AOPEP: variants seen among roughly 807,000 people sequenced by gnomAD.
AOPEP encodes the protein aminopeptidase O (putative).
AOPEP carries 77 observed loss-of-function variants against 98.1 expected under a neutral mutation model. The ratio of observed to expected loss-of-function variants is 0.78; its 90% CI spans 0.65 to 0.95. The LOEUF (loss-of-function observed/expected upper bound fraction) is 0.95. Among genes scored for constraint, AOPEP ranks in the 40% least tolerant of loss-of-function variants. The probability of loss-of-function intolerance (pLI) is 0.00; values close to 1 mark genes in which losing one functional copy is unlikely to be tolerated. For missense variants in AOPEP, 1,024 were observed against 1,024.7 expected (o/e 1.00, Z 0.01); for synonymous variants, 346 against 365.3 (o/e 0.95, Z 0.60).
At chr9:94,946,529 G>GA (rs2057649271) in intron 7 of AOPEP, among the ~76,000 whole-genome samples, 2 of 152,128 alleles carry the variant, frequency 1.3e-5, no homozygotes, top group Non-Finnish European at 2.9e-5. Context: ...CAGATTTCCT[G>GA]TAGGAAGAGC....
chr9:94,794,892 A>G (rs1396943791), intron 4 of AOPEP, among the ~76,000 whole-genome samples: 1 of 152,130 alleles, frequency 6.6e-6, no homozygotes, highest in Admixed American at 6.5e-5. Flanking sequence ...ACTTAGATCT[A>G]CAGTGGACTT....
At chr9:94,833,235 C>CTTTTTTT (rs34212567) in intron 5 of AOPEP, among the ~76,000 whole-genome samples, 7 of 70,318 alleles carry the variant, frequency 1.0e-4, no homozygotes, top group Admixed American at 2.3e-4. Flanking sequence ...CACACCCGTC[C>CTTTTTTT]TTTTTTTTTT....
chr9:95,117,296 A>C, the AOPEP span: 1 of 1,612,338 alleles, frequency 6.2e-7, no homozygotes, highest in Admixed American at 1.7e-5. Flanking sequence ...TGATGTGGGC[A>C]AAGTCAACCC....
chr9:95,063,878 C>T (rs772256404), intron 14 of AOPEP, among the ~76,000 whole-genome samples: 5 of 151,466 alleles, frequency 3.3e-5, no homozygotes, highest in African/African-American at 7.3e-5. Flanking sequence ...AGCGGCTCTT[C>T]CTGCTGACTG....
intron 5 of AOPEP, among the ~76,000 whole-genome samples, chr9:94,872,678 T>C (rs1479451171): frequency 6.6e-6 from 1 of 152,224 alleles, no homozygotes; most frequent in Non-Finnish European, 1.5e-5. Flanking sequence ...ACCATCCTGC[T>C]CAGTTTGTGA....
At chr9:94,731,813 TGAGA>T (rs1830618974) in intron 1 of AOPEP, among the ~76,000 whole-genome samples, 1 of 147,418 alleles carries the variant, frequency 6.8e-6, no homozygotes, top group African/African-American at 2.5e-5. Context: ...TTTTTTTTTT[TGAGA>T]CGGAGTTTCG....
chr9:94,860,099 G>A (rs2044741633), intron 5 of AOPEP, among the ~76,000 whole-genome samples: 1 of 152,200 alleles, frequency 6.6e-6, no homozygotes, highest in Non-Finnish European at 1.5e-5. Context: ...GCAGGGCCTT[G>A]GGGCAGGTGC....
At chr9:95,013,382 C>T (rs1417593873) in intron 13 of AOPEP, among the ~76,000 whole-genome samples, 2 of 148,340 alleles carry the variant, frequency 1.3e-5, no homozygotes, top group East Asian at 2.0e-4. Context: ...CTTTATTTTC[C>T]ATCATATAAC....
chr9:94,955,890 CTTT>C lies in AOPEP; in HGVS notation c.1765-14_1765-12del. ...TCATGGTAGGCCTCTTTTTCTCTCT[CTTT>C]TTTCTTTCTTCTAGGGCTACTTCCT... is the stretch of plus-strand genomic sequence containing the variant. On this transcript the variant is annotated splice_polypyrimidine_tract_variant and intron_variant, in intron 8 of 16. Transcript: ENST00000375315. 6.4e-7 allele frequency: 1 copy of C among 1,573,666 alleles called. No individual in the cohort carries two copies. Among genetic ancestry groups the C allele is most frequent in the Non-Finnish European group, 8.7e-7 (1 of 1,152,024 alleles).
intron 13 of AOPEP, chr9:95,049,140 A>C (rs1344443960): frequency 6.6e-6 from 1 of 152,222 alleles, no homozygotes; most frequent in African/African-American, 2.4e-5. Flanking sequence ...AATCAGCAGA[A>C]AAGTGGTTCT....
chr9:94,889,298 A>T (rs928286172), intron 5 of AOPEP, among the ~76,000 whole-genome samples: 7 of 151,626 alleles, frequency 4.6e-5, no homozygotes, highest in African/African-American at 1.2e-4. Context: ...ACTCAGCATA[A>T]TTTTTTTGAG....
chr9:95,028,661 GA>G (rs2064040633), intron 13 of AOPEP, among the ~76,000 whole-genome samples: 1 of 152,188 alleles, frequency 6.6e-6, no homozygotes, highest in Non-Finnish European at 1.5e-5. Context: ...ATGTTTGAGT[GA>G]CCACCTGCCA....
At chr9:94,757,539 A>C (rs968975965) in intron 1 of AOPEP, among the ~76,000 whole-genome samples, 1 of 152,240 alleles carries the variant, frequency 6.6e-6, no homozygotes, top group Non-Finnish European at 1.5e-5. Flanking sequence ...CACCAGAAAC[A>C]AAAGTGGTGA....
At chr9:95,076,853 C>T (rs2069127895) in intron 14 of AOPEP, among the ~76,000 whole-genome samples, 1 of 152,224 alleles carries the variant, frequency 6.6e-6, no homozygotes, top group Admixed American at 6.5e-5. Flanking sequence ...ATTTGCTGAT[C>T]AGTCTCCATT....
intron 7 of AOPEP, chr9:94,928,908 C>T (rs1019743406): frequency 2.6e-5 from 5 of 194,774 alleles, no homozygotes; most frequent in Non-Finnish European, 5.2e-5. Context: ...AATATTGATT[C>T]CTAAGTGTTT....
At position 94,959,259 on chromosome 9, in the gene AOPEP, G is replaced by A. The variant is rs147881422; in HGVS notation, c.1872+3244G>A. ...AGGGTTTCACCATGTTAGCCAGGATGGTCTTGATCTCCTGATCTCGTGATC... is the reference window on the plus strand; with the variant it reads ...AGGGTTTCACCATGTTAGCCAGGATAGTCTTGATCTCCTGATCTCGTGATC... On this transcript the variant is annotated intron_variant, in intron 9 of 16. Transcript: ENST00000375315. Among the ~76,000 whole-genome samples the A allele has an allele frequency of 4.8e-4, 73 of 152,188 alleles. 1 individual carries two copies. The highest frequency in any genetic ancestry group is 1.7e-3 in the African/African-American group (71 of 41,506).
chr9:94,776,394 C>T (rs1041388839), intron 3 of AOPEP, among the ~76,000 whole-genome samples: 4 of 152,216 alleles, frequency 2.6e-5, no homozygotes, highest in East Asian at 1.9e-4. Context: ...CTCTGCTTTC[C>T]GGGTTCAAGC....
the AOPEP span, among the ~76,000 whole-genome samples, chr9:95,120,018 T>C: frequency 6.6e-6 from 1 of 152,182 alleles, no homozygotes; most frequent in African/African-American, 2.4e-5. Flanking sequence ...AGCCTAAAAG[T>C]TTTAAATTCT....
At chr9:94,804,213 T>C (rs1421803642) in intron 5 of AOPEP, among the ~76,000 whole-genome samples, 5 of 152,200 alleles carry the variant, frequency 3.3e-5, no homozygotes, top group African/African-American at 1.2e-4. Flanking sequence ...GAACCAGGCA[T>C]ATGACAGTTG....
Sources: gnomAD v4.1 joint callset for allele counts (sites outside exome capture counted in the v4.1 genomes callset) on GRCh38, gnomAD v4.1.1 for gene constraint, MANE v1.5 for transcripts, NCBI Gene and HGNC (gene_info 2026-07-23, HGNC 2026-07-21) for gene names.